ARSH: variants seen among roughly 807,000 people sequenced by gnomAD.
The protein encoded by ARSH is arylsulfatase H.
A neutral mutation model predicts 28.7 loss-of-function variants in ARSH; 32 were observed. The ratio of observed to expected loss-of-function variants is 1.11; its 90% CI spans 0.84 to 1.50. The LOEUF (loss-of-function observed/expected upper bound fraction) is 1.50, where lower values mean the gene tolerates loss of function less well. ARSH is among the 40% of genes most tolerant of loss of function. The pLI, the probability that ARSH is intolerant of heterozygous loss-of-function variation, is 0.00. For synonymous variants in ARSH, 176 were observed against 177.3 expected (o/e 0.99, Z 0.06); for missense variants, 440 against 452.4 (o/e 0.97, Z 0.25).
In ARSH at chrX:3,006,622, AAC is replaced by A; in HGVS notation, c.11_12del (p.Asn4SerfsTer12). On this transcript the variant is annotated frameshift_variant, in exon 1 of 9. Transcript: ENST00000381130. LOFTEE classifies it high-confidence loss of function. MTRNARPNIVLLMA... is the reference protein window; with the variant it reads MTRXARPNIVLLMA... ...TGTTGATGGCACATTTATGACAAGA[AAC>A]GCCAGACCCAACATTGTCCTGCTGA... The A allele has an allele frequency of 8.3e-7, 1 of 1,210,643 alleles. No homozygotes were observed. Among genetic ancestry groups the A allele is most frequent in the Non-Finnish European group, 1.1e-6 (1 of 894,932 alleles).
intron 2 of ARSH, among the ~76,000 whole-genome samples, chrX:3,012,584 T>TATATATATATATA (rs2089852373): frequency 1.5e-4 from 2 of 13,614 alleles, no homozygotes; most frequent in African/African-American, 2.7e-4. Flanking sequence ...TATATATATA[T>TATATATATATATA]ATATATATAT....
chrX:3,006,957 T>G (rs2089829481), intron 1 of ARSH, among the ~76,000 whole-genome samples: 1 of 111,288 alleles, frequency 9.0e-6, no homozygotes, highest in Non-Finnish European at 1.9e-5. Flanking sequence ...ATTGGCCTTT[T>G]TTGATCAGGC....
rs1030141004 is a variant in ARSH, at chrX:3,015,176, A to G, written c.547A>G (p.Ile183Val). ...TGCCCTGGTTCCTTTTCTGCTTCTC[A>G]TTCCCAAGTTCGCCCGCTGGTTCTC... ...ALALVPFLLL[I>V]PKFARWFSVP... The change falls in exon 4 of 9, where the codon ATT (isoleucine) becomes GTT (valine). Residue 183 changes from isoleucine (I) to valine (V), a missense_variant. Physicochemically the swap from Ile to Val is conservative, Grantham distance 29 (BLOSUM62 3). Transcript: ENST00000381130. 2 of 1,206,994 alleles carry G rather than the reference A, an allele frequency of 1.7e-6. No homozygotes were observed. The highest frequency in any genetic ancestry group is 3.5e-5 in the African/African-American group (2 of 56,952).
intron 6 of ARSH, 55 bp from the exon 7 acceptor site, chrX:3,027,258 C>T (rs775193719): frequency 2.1e-5 from 25 of 1,178,656 alleles, no homozygotes; most frequent in East Asian, 2.1e-4. Flanking sequence ...CCGTGCCCGG[C>T]CAATATGGTT....
chrX:3,011,778 C>A (rs1206020855), intron 2 of ARSH, among the ~76,000 whole-genome samples: 5 of 111,809 alleles, frequency 4.5e-5, no homozygotes, highest in Non-Finnish European at 9.4e-5. Flanking sequence ...AAAACTGTTT[C>A]TCTTTCCTAT....
At chrX:3,007,648 C>G (rs1288022469) in intron 1 of ARSH, among the ~76,000 whole-genome samples, 2 of 109,391 alleles carry the variant, frequency 1.8e-5, no homozygotes, top group Non-Finnish European at 3.8e-5. Flanking sequence ...GGTCGTCCCT[C>G]TGTGTGGGTC....
At chrX:3,031,359 C>T (rs1026282254) in intron 8 of ARSH, among the ~76,000 whole-genome samples, 7 of 111,880 alleles carry the variant, frequency 6.3e-5, no homozygotes, top group Non-Finnish European at 9.4e-5. Flanking sequence ...CTTATCTCCA[C>T]CTTCCTTCCT....
intron 4 of ARSH, among the ~76,000 whole-genome samples, chrX:3,017,781 G>A (rs938548566): frequency 1.8e-5 from 2 of 111,253 alleles, no homozygotes; most frequent in Non-Finnish European, 3.8e-5. Flanking sequence ...AGGGAAAATG[G>A]AGAGTAAGGA....
chrX:3,019,120 C>A (rs377153034), intron 5 of ARSH, among the ~76,000 whole-genome samples: 1 of 109,985 alleles, frequency 9.1e-6, no homozygotes. Flanking sequence ...CAAAAATTAG[C>A]CAGGCATGGT....
intron 6 of ARSH, among the ~76,000 whole-genome samples, chrX:3,026,293 C>G (rs1359532281): frequency 9.1e-6 from 1 of 110,315 alleles, no homozygotes; most frequent in Admixed American, 9.8e-5. Context: ...CAGAAGGAGA[C>G]AGTGTCTTAA....
chrX:3,018,851 T>C (rs1431365771), intron 5 of ARSH, among the ~76,000 whole-genome samples, 181 bp downstream of exon 5: 1 of 112,162 alleles, frequency 8.9e-6, no homozygotes, highest in Non-Finnish European at 1.9e-5. Flanking sequence ...ACCAGTGAAA[T>C]ATATTCCCCA....
chrX:3,033,594 A>AT lies in ARSH; in HGVS notation c.*216dup. On this transcript the variant is annotated 3_prime_UTR_variant, in exon 9 of 9. Transcript: ENST00000381130. Reference sequence around the variant, plus strand: ...CCTGGAGGGGAGCATTTGTTGTATAATTTTTTTCTAGTATATAATTGTGCC... The same window carrying AT: ...CCTGGAGGGGAGCATTTGTTGTATAATTTTTTTTCTAGTATATAATTGTGCC... The AT allele has an allele frequency of 2.9e-6, 1 of 342,980 alleles. No individual in the cohort carries two copies. Among genetic ancestry groups the AT allele is most frequent in the Non-Finnish European group, 4.9e-6 (1 of 204,674 alleles). 28.3% of individuals were successfully genotyped at this position (342,980 alleles called of 1,213,427 possible). A position where few individuals can be genotyped will look rare whatever the true frequency, so the allele number is the denominator to read the frequency against.
At chrX:3,012,594 T>TAAA (rs1175800068) in intron 2 of ARSH, among the ~76,000 whole-genome samples, 3 of 24,615 alleles carry the variant, frequency 1.2e-4, no homozygotes, top group African/African-American at 5.6e-4. Context: ...TATATATATA[T>TAAA]ATATAATATA....
chrX:3,028,431 G>T (rs2089904623), intron 7 of ARSH, among the ~76,000 whole-genome samples: 1 of 109,017 alleles, frequency 9.2e-6, no homozygotes, highest in South Asian at 4.3e-4. Flanking sequence ...GGATGGTCTC[G>T]ATCTCTTGAC....
intron 2 of ARSH, among the ~76,000 whole-genome samples, chrX:3,012,126 T>A (rs746345517): frequency 2.9e-4 from 33 of 112,485 alleles, no homozygotes; most frequent in Non-Finnish European, 5.1e-4. Context: ...CGTAAGCCAC[T>A]GAGCCCGGCC....
chrX:3,026,076 A>G (rs1391643479), intron 6 of ARSH, among the ~76,000 whole-genome samples: 1 of 111,237 alleles, frequency 9.0e-6, no homozygotes, highest in African/African-American at 3.3e-5. Context: ...ACAAAGATAC[A>G]GGTTATTAAA....
chrX:3,026,780 A>G (rs1324958126), intron 6 of ARSH, among the ~76,000 whole-genome samples: 1 of 112,307 alleles, frequency 8.9e-6, no homozygotes, highest in Non-Finnish European at 1.9e-5. Context: ...ATCACGGGGT[A>G]AAGTTTTTTA....
chrX:3,011,411 G>C (rs2089846333), intron 2 of ARSH, among the ~76,000 whole-genome samples: 1 of 109,403 alleles, frequency 9.1e-6, no homozygotes, highest in African/African-American at 3.3e-5. Flanking sequence ...ACCACACCCG[G>C]CTAATTTTTG....
At position 3,010,151 on chromosome X, in the gene ARSH, G is replaced by C. The variant is rs773568941; in HGVS notation, c.214G>C (p.Gly72Arg). 8.3e-7 allele frequency: 1 copy of C among 1,205,099 alleles called. No homozygotes were observed. The highest frequency in any genetic ancestry group is 3.0e-5 in the East Asian group (1 of 33,710). ...FLTGRYPIRS[G>R]MVSAYNLNRA... ...GACCGGCCGGTACCCCATCAGATCA[G>C]GTGAGGCAATAAAAAGGCAGCAACA... The change falls in exon 2 of 9, where the codon GGG becomes CGG. Residue 72 changes from glycine to arginine, a missense_variant and splice_region_variant. Physicochemically the swap from Gly to Arg is moderately radical, Grantham distance 125. Transcript: ENST00000381130.
Sources: allele counts gnomAD v4.1 joint callset (sites outside exome capture counted in the v4.1 genomes callset), GRCh38; gene constraint gnomAD v4.1.1; transcripts MANE v1.5; gene names NCBI Gene and HGNC (gene_info 2026-07-23, HGNC 2026-07-21).